ALCAM: variants seen among roughly 807,000 people sequenced by gnomAD.
ALCAM encodes the protein activated leukocyte cell adhesion molecule.
A neutral mutation model predicts 70.9 loss-of-function variants in ALCAM; 30 were observed. That is an observed-to-expected ratio of 0.42 (90% CI 0.32 to 0.57). ALCAM has a LOEUF of 0.57. ALCAM is among the 20% of genes least tolerant of loss of function. ALCAM has a pLI of 0.11. For synonymous variants in ALCAM, 249 were observed against 242.5 expected, an observed-to-expected ratio of 1.03 and a Z score of -0.25; for missense variants, 591 against 695.1, an observed-to-expected ratio of 0.85 and a Z score of 1.68.
intron 1 of ALCAM, among the ~76,000 whole-genome samples, chr3:105,428,708 G>A (rs1283437575): frequency 6.6e-6 from 1 of 151,934 alleles, no homozygotes; most frequent in Non-Finnish European, 1.5e-5. Context: ...CATGGTAGTT[G>A]TTGTGTGAAC....
At chr3:105,392,970 G>A (rs1387931955) in intron 1 of ALCAM, among the ~76,000 whole-genome samples, 2 of 151,702 alleles carry the variant, frequency 1.3e-5, no homozygotes, top group Non-Finnish European at 2.9e-5. Flanking sequence ...CAAAATTGTA[G>A]ACAAGATACA....
rs1034237273 is a variant in ALCAM at position 105,467,703 on chromosome 3, G to A, written c.74-52364G>A. 4.6e-5 allele frequency among the ~76,000 whole-genome samples: 7 copies of A among 150,992 alleles called. No homozygotes were observed. The Admixed American group carries it at 4.6e-4, about 10-fold the overall frequency. ...GGTGTGGTTTCTACATTTTCATGTTGGTTCTTACTGACTTTAATTTCTGAT... is the reference window on the plus strand; with the variant it reads ...GGTGTGGTTTCTACATTTTCATGTTAGTTCTTACTGACTTTAATTTCTGAT... On this transcript the variant is annotated intron_variant, in intron 1 of 15. Transcript: ENST00000306107.
intron 1 of ALCAM, among the ~76,000 whole-genome samples, chr3:105,368,223 A>AAGAGAGAG (rs5851454): frequency 0.036 from 2,436 of 67,766 alleles, 182 homozygotes; most frequent in Middle Eastern, 0.13. Context: ...TGAGTCTTGG[A>AAGAGAGAG]AGAGAGAGAG....
intron 14 of ALCAM, among the ~76,000 whole-genome samples, chr3:105,554,608 T>C (rs1168802377): frequency 1.3e-5 from 2 of 151,970 alleles, no homozygotes; most frequent in East Asian, 3.9e-4. Flanking sequence ...ATGTTCTTTT[T>C]CTCAATGAAC....
At chr3:105,549,246 T>C (rs1940333133) in intron 11 of ALCAM, among the ~76,000 whole-genome samples, 1 of 151,442 alleles carries the variant, frequency 6.6e-6, no homozygotes, top group Admixed American at 6.6e-5. Flanking sequence ...CACAATTTTA[T>C]TTGTTCCCTT....
At chr3:105,573,648 T>C (rs1188863189) in intron 15 of ALCAM, among the ~76,000 whole-genome samples, 1 of 152,214 alleles carries the variant, frequency 6.6e-6, no homozygotes, top group African/African-American at 2.4e-5. Context: ...GGTTTTTCTT[T>C]TTATTTGTGT....
intron 1 of ALCAM, among the ~76,000 whole-genome samples, chr3:105,499,815 T>A (rs1396145618): frequency 6.6e-6 from 1 of 152,170 alleles, no homozygotes; most frequent in Non-Finnish European, 1.5e-5. Flanking sequence ...TACCCAAAAC[T>A]ATCTAAGTAC....
At chr3:105,494,425 TTTCCTTCC>T (rs147247427) in intron 1 of ALCAM, among the ~76,000 whole-genome samples, 6 of 151,680 alleles carry the variant, frequency 4.0e-5, no homozygotes, top group Non-Finnish European at 5.9e-5. Context: ...GCCTTCCTTC[TTTCCTTCC>T]TTCCTTCCTT....
At chr3:105,403,490 A>G (rs2107376678) in intron 1 of ALCAM, among the ~76,000 whole-genome samples, 1 of 152,174 alleles carries the variant, frequency 6.6e-6, no homozygotes, top group Admixed American at 6.5e-5. Context: ...AAAAACAATC[A>G]TGACGGTTTG....
intron 1 of ALCAM, among the ~76,000 whole-genome samples, chr3:105,451,457 T>C: frequency 6.6e-6 from 1 of 152,148 alleles, no homozygotes; most frequent in Non-Finnish European, 1.5e-5. Flanking sequence ...ACTCCAGCTA[T>C]GTCATTTCTA....
At chr3:105,411,415 G>A (rs1476909378) in intron 1 of ALCAM, among the ~76,000 whole-genome samples, 2 of 152,076 alleles carry the variant, frequency 1.3e-5, no homozygotes, top group African/African-American at 4.8e-5. Flanking sequence ...AATAGCAGTA[G>A]CAGTGATAGT....
intron 1 of ALCAM, among the ~76,000 whole-genome samples, chr3:105,446,215 A>G (rs1937293173): frequency 1.3e-5 from 2 of 152,176 alleles, no homozygotes; most frequent in African/African-American, 4.8e-5. Flanking sequence ...CAATGGGTAT[A>G]TGAAAAAATG....
chr3:105,409,700 T>C (rs749083798), intron 1 of ALCAM, among the ~76,000 whole-genome samples: 1 of 151,578 alleles, frequency 6.6e-6, no homozygotes, highest in African/African-American at 2.4e-5. Flanking sequence ...CCAAAACCTA[T>C]AGAAATTAAA....
chr3:105,485,119 G>A (rs888508944), intron 1 of ALCAM, among the ~76,000 whole-genome samples: 2 of 151,874 alleles, frequency 1.3e-5, no homozygotes, highest in African/African-American at 4.8e-5. Flanking sequence ...TTTACATAAG[G>A]GAATAGAAAT....
intron 1 of ALCAM, among the ~76,000 whole-genome samples, chr3:105,385,609 G>T (rs1472697403): frequency 6.6e-6 from 1 of 151,406 alleles, no homozygotes; most frequent in Non-Finnish European, 1.5e-5. Flanking sequence ...TTCTTATTTC[G>T]AAGTGGGAAG....
intron 14 of ALCAM, among the ~76,000 whole-genome samples, chr3:105,563,642 G>A (rs1267067682): frequency 7.2e-6 from 1 of 138,704 alleles, no homozygotes; most frequent in Non-Finnish European, 1.5e-5. Flanking sequence ...CAAGTGACTA[G>A]ACCTGTATGA....
intron 3 of ALCAM, among the ~76,000 whole-genome samples, chr3:105,528,723 C>T: frequency 6.6e-6 from 1 of 152,016 alleles, no homozygotes; most frequent in Non-Finnish European, 1.5e-5. Context: ...ACACTGGGGC[C>T]TTTCAGAGGG....
intron 1 of ALCAM, 22 bp from the exon 2 acceptor site, chr3:105,520,045 C>G (rs1939490880): frequency 7.2e-7 from 1 of 1,396,034 alleles, no homozygotes; most frequent in Non-Finnish European, 9.6e-7. Flanking sequence ...CTCTCTTCTT[C>G]CTTTTTTTTT....
At chr3:105,423,120 G>A (rs1459751338) in intron 1 of ALCAM, among the ~76,000 whole-genome samples, 2 of 151,388 alleles carry the variant, frequency 1.3e-5, no homozygotes, top group African/African-American at 4.8e-5. Context: ...CTGTAATGTA[G>A]ATGGTGAATC....
Sources: gnomAD v4.1 joint callset for allele counts (sites outside exome capture counted in the v4.1 genomes callset) on GRCh38, gnomAD v4.1.1 for gene constraint, MANE v1.5 for transcripts, NCBI Gene and HGNC (gene_info 2026-07-23, HGNC 2026-07-21) for gene names.